GMDS: variants seen among roughly 807,000 people sequenced by gnomAD.
GMDS encodes the protein GDP-mannose 4,6-dehydratase, also known as GDP-mannose 4,6 dehydratase.
A neutral mutation model predicts 49.9 loss-of-function variants in GMDS; 20 were observed. The ratio of observed to expected loss-of-function variants is 0.40; its 90% CI spans 0.28 to 0.58. GMDS has a LOEUF of 0.58. Among genes scored for constraint, GMDS ranks in the 20% least tolerant of loss-of-function variants. The pLI is 0.42. For missense variants in GMDS, 362 were observed against 481.4 expected (o/e 0.75, Z 2.32); for synonymous variants, 177 against 178.6 (o/e 0.99, Z 0.07).
intron 7 of GMDS, among the ~76,000 whole-genome samples, chr6:1,769,294 AC>A (rs1421215688): frequency 1.3e-5 from 2 of 152,228 alleles, no homozygotes; most frequent in Admixed American, 6.5e-5. Context: ...TTGTGAGTAA[AC>A]AGAATTCTGG....
intron 9 of GMDS, among the ~76,000 whole-genome samples, chr6:1,629,168 G>GA (rs1762925086): frequency 6.6e-6 from 1 of 152,148 alleles, no homozygotes; most frequent in Non-Finnish European, 1.5e-5. Flanking sequence ...TGCAATATAC[G>GA]ACATCTCTTC....
intron 1 of GMDS, among the ~76,000 whole-genome samples, chr6:2,160,917 T>C (rs954113028): frequency 1.5e-4 from 23 of 152,240 alleles, no homozygotes; most frequent in Admixed American, 1.4e-3. Context: ...TCTCTAAATA[T>C]ATTTTCTTTA....
Position 2,245,424 on chromosome 6 carries a change from T to G in GMDS, c.-2A>C, listed in dbSNP as rs1781824865. ...GCAGCGTGCCGGTGCGTGTGCCATGTCCCGCGGCGGGCGTGCGGTCGGCGG... is the reference window on the plus strand; with the variant it reads ...GCAGCGTGCCGGTGCGTGTGCCATGGCCCGCGGCGGGCGTGCGGTCGGCGG... On this transcript the variant is annotated 5_prime_UTR_variant, in exon 1 of 11. Coordinates refer to ENST00000380815, the MANE Select transcript of GMDS (RefSeq NM_001500.4). 6.8e-7 allele frequency: 1 copy of G among 1,476,572 alleles called. No homozygotes were observed. The highest frequency in any genetic ancestry group is 8.9e-7 in the Non-Finnish European group (1 of 1,120,374). 91.5% of individuals were successfully genotyped at this position (1,476,572 alleles called of 1,614,324 possible). A position where few individuals can be genotyped will look rare whatever the true frequency, so the allele number is the denominator to read the frequency against.
At chr6:2,035,848 G>A (rs1769275126) in intron 4 of GMDS, among the ~76,000 whole-genome samples, 2 of 152,008 alleles carry the variant, frequency 1.3e-5, no homozygotes, top group African/African-American at 4.8e-5. Context: ...CACCATGCCC[G>A]GCTAATTTTT....
intron 1 of GMDS, among the ~76,000 whole-genome samples, chr6:2,202,128 G>A (rs1488389563): frequency 6.9e-6 from 1 of 145,190 alleles, no homozygotes; most frequent in Non-Finnish European, 1.5e-5. Context: ...TAGGCAGTGA[G>A]GGCAGCATGT....
At chr6:1,705,730 C>T (rs1765712919) in intron 9 of GMDS, among the ~76,000 whole-genome samples, 1 of 152,138 alleles carries the variant, frequency 6.6e-6, no homozygotes, top group South Asian at 2.1e-4. Context: ...CTAGCTCACT[C>T]CTGGGAAGCT....
chr6:2,059,362 C>T (rs1172869389), intron 4 of GMDS, among the ~76,000 whole-genome samples: 2 of 151,794 alleles, frequency 1.3e-5, no homozygotes, highest in Non-Finnish European at 2.9e-5. Flanking sequence ...AGCTCATTAT[C>T]ATCCGCTTAA....
chr6:1,793,497 G>T (rs1480856217), intron 7 of GMDS, among the ~76,000 whole-genome samples: 2 of 152,180 alleles, frequency 1.3e-5, no homozygotes, highest in African/African-American at 4.8e-5. Context: ...TCTTTAAGAT[G>T]TCCATGGACT....
chr6:2,135,676 C>T (rs748003445), intron 1 of GMDS, among the ~76,000 whole-genome samples: 29 of 152,120 alleles, frequency 1.9e-4, no homozygotes, highest in Admixed American at 6.5e-5. Context: ...ATACTTCTCA[C>T]ATTTTAGGCC....
chr6:1,667,041 G>A (rs1366331165), intron 9 of GMDS, among the ~76,000 whole-genome samples: 2 of 152,198 alleles, frequency 1.3e-5, no homozygotes, highest in East Asian at 1.9e-4. Flanking sequence ...GAGGCCTAGC[G>A]TGCAGACACA....
intron 7 of GMDS, among the ~76,000 whole-genome samples, chr6:1,768,146 T>A (rs983865149): frequency 1.3e-5 from 2 of 152,128 alleles, no homozygotes; most frequent in Non-Finnish European, 2.9e-5. Flanking sequence ...ATCTTTTAAA[T>A]CAGGAAACAG....
chr6:1,686,417 T>C (rs1764977763), intron 9 of GMDS, among the ~76,000 whole-genome samples: 2 of 152,126 alleles, frequency 1.3e-5, no homozygotes, highest in Non-Finnish European at 2.9e-5. Context: ...TTGGAGAGGG[T>C]GTGGGGGGAA....
chr6:2,122,226 T>A (rs542176674), intron 2 of GMDS, among the ~76,000 whole-genome samples: 3 of 152,286 alleles, frequency 2.0e-5, no homozygotes, highest in African/African-American at 7.2e-5. Flanking sequence ...TTAGTTGTGG[T>A]GGTTTCTCTA....
intron 7 of GMDS, among the ~76,000 whole-genome samples, chr6:1,745,898 T>C (rs900921702): frequency 6.6e-6 from 1 of 152,210 alleles, no homozygotes; most frequent in Non-Finnish European, 1.5e-5. Context: ...TCTGGTGTGA[T>C]AATGGGTTAG....
chr6:2,017,966 A>G (rs1362514983), intron 4 of GMDS, among the ~76,000 whole-genome samples: 2 of 152,208 alleles, frequency 1.3e-5, no homozygotes, highest in Non-Finnish European at 2.9e-5. Context: ...AATTAAGCTT[A>G]TCTTGTTTTT....
intron 1 of GMDS, among the ~76,000 whole-genome samples, chr6:2,171,872 G>A (rs1388208617): frequency 6.6e-6 from 1 of 152,080 alleles, no homozygotes; most frequent in African/African-American, 2.4e-5. Context: ...AAATAAGGAA[G>A]GAAACTAAAA....
intron 1 of GMDS, among the ~76,000 whole-genome samples, chr6:2,153,930 C>T (rs1776973663): frequency 6.6e-6 from 1 of 152,052 alleles, no homozygotes; most frequent in East Asian, 1.9e-4. Context: ...TGCTAGAAAA[C>T]ATACCAAAAA....
chr6:2,203,886 A>G (rs1462544014), intron 1 of GMDS, among the ~76,000 whole-genome samples: 4 of 152,190 alleles, frequency 2.6e-5, no homozygotes, highest in Non-Finnish European at 5.9e-5. Flanking sequence ...GGCATTTTGT[A>G]AGACTAAAGA....
chr6:2,001,583 G>C (rs908809092), intron 4 of GMDS, among the ~76,000 whole-genome samples: 3 of 152,038 alleles, frequency 2.0e-5, no homozygotes, highest in African/African-American at 7.2e-5. Flanking sequence ...AAAGGATCCA[G>C]AATAACCAGA....
Sources: allele counts gnomAD v4.1 joint callset (sites outside exome capture counted in the v4.1 genomes callset), GRCh38; gene constraint gnomAD v4.1.1; transcripts MANE v1.5; gene names NCBI Gene and HGNC (gene_info 2026-07-23, HGNC 2026-07-21).